Variants in WWOX observed in about 807,000 individuals in gnomAD.
WWOX encodes the protein WW domain containing oxidoreductase.
Under a neutral mutation model 46.2 loss-of-function variants are expected in WWOX, and 69 were observed. That is an observed-to-expected ratio of 1.49 (90% CI 1.23 to 1.82). The LOEUF (loss-of-function observed/expected upper bound fraction) is 1.82. Among genes scored for constraint, WWOX ranks in the 40% most tolerant of loss-of-function variants. The pLI, the probability that WWOX is intolerant of heterozygous loss-of-function variation, is 0.00. For missense variants in WWOX, 919 were observed against 542.6 expected (o/e 1.69, Z -6.89); for synonymous variants, 359 against 202.6 (o/e 1.77, Z -6.56).
chr16:78,325,826 C>G (rs1252352949), intron 5 of WWOX, among the ~76,000 whole-genome samples: 1 of 152,196 alleles, frequency 6.6e-6, no homozygotes, highest in East Asian at 1.9e-4. Flanking sequence ...TTTGCTTTTG[C>G]AACTTGAACA....
chr16:79,000,753 G>C (rs559168872), intron 8 of WWOX, among the ~76,000 whole-genome samples: 95 of 152,286 alleles, frequency 6.2e-4, no homozygotes, highest in African/African-American at 2.1e-3. Flanking sequence ...TGTTACAGCA[G>C]CCAGAGGAAG....
intron 8 of WWOX, among the ~76,000 whole-genome samples, chr16:78,881,168 G>T (rs1567623056): frequency 6.6e-6 from 1 of 151,414 alleles, no homozygotes; most frequent in Non-Finnish European, 1.5e-5. Flanking sequence ...AATTTTTGTT[G>T]TTGTTGTATT....
intron 8 of WWOX, among the ~76,000 whole-genome samples, chr16:79,095,295 C>G (rs1041758294): frequency 6.6e-6 from 1 of 152,160 alleles, no homozygotes; most frequent in Non-Finnish European, 1.5e-5. Flanking sequence ...GCATTTATAG[C>G]TGTTCCTTCA....
intron 8 of WWOX, among the ~76,000 whole-genome samples, chr16:78,974,860 G>T (rs557256744): frequency 1.3e-5 from 2 of 152,260 alleles, no homozygotes; most frequent in East Asian, 3.9e-4. Flanking sequence ...CCAGCTTCCT[G>T]TCCACTGGAG....
At chr16:79,022,138 A>G (rs923640808) in intron 8 of WWOX, among the ~76,000 whole-genome samples, 2 of 152,210 alleles carry the variant, frequency 1.3e-5, no homozygotes, top group African/African-American at 4.8e-5. Flanking sequence ...AACAGGCCAG[A>G]AAGCACCAAG....
chr16:78,169,485 C>G (rs1006461346), intron 5 of WWOX, among the ~76,000 whole-genome samples: 3 of 28,592 alleles, frequency 1.0e-4, no homozygotes, highest in Admixed American at 3.0e-4. Context: ...GATCTCAGGA[C>G]CTCTGCATGT....
chr16:78,168,697 C>G (rs562428488), intron 5 of WWOX, among the ~76,000 whole-genome samples: 1 of 152,066 alleles, frequency 6.6e-6, no homozygotes, highest in Non-Finnish European at 1.5e-5. Context: ...CATCCTATTT[C>G]TTAGAGGAAG....
intron 8 of WWOX, chr16:78,826,006 A>G (rs2051644186): frequency 5.0e-6 from 3 of 604,652 alleles, no homozygotes; most frequent in South Asian, 3.2e-5. Flanking sequence ...CCATAGCATA[A>G]CGGGCTGTCC....
intron 5 of WWOX, among the ~76,000 whole-genome samples, chr16:78,192,537 C>A (rs115317807): frequency 6.6e-6 from 1 of 151,708 alleles, no homozygotes; most frequent in African/African-American, 2.4e-5. Flanking sequence ...CAAATAGGAC[C>A]CATATCCCTG....
Position 78,507,857 on chromosome 16 carries a change from T to A in WWOX, c.1056+75105T>A, listed in dbSNP as rs183639348. On this transcript the variant is annotated intron_variant, in intron 8 of 8. Transcript: ENST00000566780. ...TGTTCAGACAAGCTTGTCCAACCCA[T>A]GGCCCCCGGGTCGCATGTGGCCCAG... Among the ~76,000 whole-genome samples the A allele has an allele frequency of 2.6e-5, 4 of 152,282 alleles. No individual in the cohort carries two copies. In the East Asian group the frequency reaches 7.7e-4, roughly 29 times the overall value.
chr16:78,575,981 T>C lies in WWOX; in HGVS notation c.1056+143229T>C, dbSNP rs544600195. The stretch of plus-strand genomic sequence containing the variant: ...GTAAAATGCAAACACAAAATTATTT[T>C]TTTCATTTTTCAGAGCATGTACTGG... On this transcript the variant is annotated intron_variant, in intron 8 of 8. Coordinates refer to ENST00000566780, the MANE Select transcript of WWOX (RefSeq NM_016373.4). Among the ~76,000 whole-genome samples, 31 of 152,144 alleles carry C rather than the reference T, an allele frequency of 2.0e-4. No individual in the cohort carries two copies. In the Middle Eastern group the frequency reaches 0.01, roughly 50 times the overall value.
chr16:78,288,838 G>T (rs2079812968), intron 5 of WWOX, among the ~76,000 whole-genome samples: 1 of 152,116 alleles, frequency 6.6e-6, no homozygotes, highest in Non-Finnish European at 1.5e-5. Flanking sequence ...TTAGGTGGGG[G>T]CTGCTAGATT....
intron 8 of WWOX, among the ~76,000 whole-genome samples, chr16:79,065,918 C>A (rs1429240178): frequency 1.3e-5 from 2 of 152,230 alleles, no homozygotes; most frequent in Admixed American, 6.5e-5. Context: ...CCATTGCTCC[C>A]AGGCATTGTT....
At chr16:78,771,978 A>C (rs1197323305) in intron 8 of WWOX, among the ~76,000 whole-genome samples, 1 of 152,216 alleles carries the variant, frequency 6.6e-6, no homozygotes, top group African/African-American at 2.4e-5. Flanking sequence ...AGTGTATTTT[A>C]CCAAGGGATT....
At chr16:78,386,254 A>G (rs2082057910) in intron 5 of WWOX, among the ~76,000 whole-genome samples, 1 of 152,176 alleles carries the variant, frequency 6.6e-6, no homozygotes, top group South Asian at 2.1e-4. Flanking sequence ...AGTAGCCATT[A>G]TTACCATTAT....
At chr16:78,833,361 T>C (rs1484214588) in intron 8 of WWOX, among the ~76,000 whole-genome samples, 1 of 152,106 alleles carries the variant, frequency 6.6e-6, no homozygotes, top group African/African-American at 2.4e-5. Context: ...TTGCACTCTT[T>C]CCTGCATACA....
intron 8 of WWOX, among the ~76,000 whole-genome samples, chr16:79,144,211 T>C (rs2050143173): frequency 1.3e-5 from 2 of 152,184 alleles, no homozygotes; most frequent in African/African-American, 4.8e-5. Flanking sequence ...AGGTCAGCTT[T>C]TTCACTTCAG....
chr16:78,156,791 G>T (rs1436916525), intron 4 of WWOX, among the ~76,000 whole-genome samples: 1 of 152,190 alleles, frequency 6.6e-6, no homozygotes, highest in African/African-American at 2.4e-5. Flanking sequence ...GGGTGTGGTG[G>T]CACGCGCCTG....
At chr16:79,209,756 C>G (rs2051652573) in intron 8 of WWOX, among the ~76,000 whole-genome samples, 1 of 152,200 alleles carries the variant, frequency 6.6e-6, no homozygotes, top group Non-Finnish European at 1.5e-5. Context: ...TCTTTAGAGG[C>G]ACTTCTGCTT....
Sources: gnomAD v4.1 joint callset for allele counts (sites outside exome capture counted in the v4.1 genomes callset) on GRCh38, gnomAD v4.1.1 for gene constraint, MANE v1.5 for transcripts, NCBI Gene and HGNC (gene_info 2026-07-23, HGNC 2026-07-21) for gene names.